Variants in TPM1 observed in about 807,000 individuals in gnomAD.
TPM1 encodes tropomyosin alpha-1 chain.
TPM1 carries 24 observed loss-of-function variants against 42.9 expected under a neutral mutation model. The ratio of observed to expected loss-of-function variants is 0.56; its 90% CI spans 0.41 to 0.79. The LOEUF (loss-of-function observed/expected upper bound fraction) is 0.79, where lower values mean the gene tolerates loss of function less well. Among genes scored for constraint, TPM1 ranks in the 30% least tolerant of loss-of-function variants. TPM1 has a pLI of 0.00. For missense variants in TPM1, 158 were observed against 351.8 expected, an observed-to-expected ratio of 0.45 and a Z score of 4.41; for synonymous variants, 136 against 130.1, an observed-to-expected ratio of 1.05 and a Z score of -0.31.
At chr15:63,060,160 G>T (rs1269961794) in intron 4 of TPM1, among the ~76,000 whole-genome samples, 3 of 152,192 alleles carry the variant, frequency 2.0e-5, no homozygotes, top group Non-Finnish European at 4.4e-5. Flanking sequence ...AGCAGAATTT[G>T]CTCCTGGTCG....
chr15:63,061,614 C>G (rs2035641814), intron 5 of TPM1, 99 bp from the exon 6 acceptor site: 1 of 1,172,590 alleles, frequency 8.5e-7, no homozygotes, highest in South Asian at 1.2e-5. Flanking sequence ...CCCTTCGTCT[C>G]TAGGACTCAG....
At chr15:63,048,290 C>G (rs1402526222) in intron 2 of TPM1, 1 of 725,448 alleles carries the variant, frequency 1.4e-6, no homozygotes, top group East Asian at 5.0e-5. Flanking sequence ...GCCGGGAGCG[C>G]CTTTCTCCCC....
chr15:63,052,833 G>A (rs116143421), intron 2 of TPM1, among the ~76,000 whole-genome samples: 198 of 151,678 alleles, frequency 1.3e-3, no homozygotes, highest in African/African-American at 4.7e-3. Context: ...TTGGAACATA[G>A]AGCATAATAA....
intron 2 of TPM1, among the ~76,000 whole-genome samples, chr15:63,053,248 A>G (rs1408183399): frequency 2.6e-5 from 4 of 152,170 alleles, no homozygotes; most frequent in East Asian, 1.9e-4. Context: ...CATTGCAGCA[A>G]CTGTTCTCCC....
rs1174842971 is a variant in TPM1, at chr15:63,055,009, T to C, written c.241-1976T>C. On this transcript the variant is annotated intron_variant, in intron 2 of 9. Coordinates refer to ENST00000403994, the MANE Select transcript of TPM1 (RefSeq NM_001018005.2). ...CAAAAGTATATCCTTAATATATACA[T>C]CCTTCCAGTAATAGTAATAAAAAAA... 2.1e-5 allele frequency among the ~76,000 whole-genome samples: 3 copies of C among 141,100 alleles called. No individual in the cohort carries two copies. In the East Asian group the frequency reaches 6.3e-4, roughly 30 times the overall value. The allele number at this position is 141,100 out of a possible 152,430, so 92.6% of individuals were successfully genotyped here. A position where few individuals can be genotyped will look rare whatever the true frequency, so the allele number is the denominator to read the frequency against.
intron 5 of TPM1, 102 bp downstream of exon 5, chr15:63,061,041 G>A: frequency 6.6e-7 from 1 of 1,519,794 alleles, no homozygotes; most frequent in Non-Finnish European, 9.1e-7. Context: ...TTCAGCTCCG[G>A]GCTCCTTTTG....
At chr15:63,070,887 C>T, downstream of TPM1, 1 of 1,362,238 alleles carries the variant, frequency 7.3e-7, no homozygotes, top group Non-Finnish European at 9.5e-7. Flanking sequence ...CTGTGAGAAT[C>T]CGTGCCATGG....
At chr15:63,068,301 A>G (rs1168777645), downstream of TPM1, among the ~76,000 whole-genome samples, 1 of 152,204 alleles carries the variant, frequency 6.6e-6, no homozygotes, top group Non-Finnish European at 1.5e-5. Flanking sequence ...AGGCATGTGT[A>G]TTTGGAGGCA....
chr15:63,064,380 A>G (rs2036037210), intron 9 of TPM1: 14 of 1,384,452 alleles, frequency 1.0e-5, no homozygotes, highest in Non-Finnish European at 1.3e-5. Flanking sequence ...TAAACGCTGA[A>G]CTAGAGCAGT....
chr15:63,071,078 A>G (rs2036585069), downstream of TPM1: 1 of 1,613,878 alleles, frequency 6.2e-7, no homozygotes, highest in Admixed American at 1.7e-5. Flanking sequence ...TAATTTTCTA[A>G]TCTCACCACA....
At chr15:63,064,275 A>G in intron 9 of TPM1, 133 bp downstream of exon 9, 1 of 1,535,450 alleles carries the variant, frequency 6.5e-7, no homozygotes, top group Non-Finnish European at 8.8e-7. Flanking sequence ...ATAACCTAGA[A>G]TAGTCATTGT....
chr15:63,071,285 A>G, exon 9 of TPM1: 4 of 1,219,578 alleles, frequency 3.3e-6, no homozygotes, highest in Non-Finnish European at 4.7e-6. Context: ...AGAAACATCC[A>G]CAAGATACCA....
intron 2 of TPM1, among the ~76,000 whole-genome samples, chr15:63,054,826 G>A (rs2034519550): frequency 6.6e-6 from 1 of 152,070 alleles, no homozygotes; most frequent in Non-Finnish European, 1.5e-5. Flanking sequence ...TAGGGCTTTT[G>A]GTTTGTGTGC....
At chr15:63,069,866 A>G (rs1566976161), downstream of TPM1, 3 of 1,613,942 alleles carry the variant, frequency 1.9e-6, no homozygotes, top group Admixed American at 1.7e-5. Flanking sequence ...GCTGACCTGT[A>G]CAGATCAACT....
downstream of TPM1, among the ~76,000 whole-genome samples, chr15:63,067,011 A>G (rs1660861417): frequency 2.0e-5 from 3 of 152,338 alleles, no homozygotes; most frequent in South Asian, 4.1e-4. Flanking sequence ...AAAAAAATAC[A>G]TTGCAAAAAA....
rs113591254 is a variant in TPM1, at chr15:63,061,701, C to G, written c.564-12C>G. The G allele has an allele frequency of 5.0e-6, 8 of 1,613,620 alleles. No individual in the cohort carries two copies. The highest frequency in any genetic ancestry group is 6.8e-6 in the Non-Finnish European group (8 of 1,179,710). ...GTCTCCCACCCTTTCTGCCTCTGAT[C>G]GAAAACATTAGCAAATGTGCCGAGC... On this transcript the variant is annotated splice_polypyrimidine_tract_variant and intron_variant, in intron 5 of 9. Transcript: ENST00000403994.
chr15:63,064,786 A>G (rs2036088530), intron 9 of TPM1: 1 of 618,100 alleles, frequency 1.6e-6, no homozygotes, highest in South Asian at 7.2e-5. Context: ...TAACACGGTG[A>G]AACCCTGTCT....
At chr15:63,059,004 T>A (rs533211991) in intron 3 of TPM1, among the ~76,000 whole-genome samples, 39 of 152,302 alleles carry the variant, frequency 2.6e-4, no homozygotes, top group African/African-American at 9.1e-4. Context: ...CATAAGAAAT[T>A]GCCATTATTA....
Position 63,053,080 on chromosome 15 carries a change from T to C in TPM1, c.241-3905T>C, listed in dbSNP as rs1325716572. The stretch of plus-strand genomic sequence containing the variant: ...CCTCTGCCTGTCCTGCTCTGAAACC[T>C]CTGGGGCAGTAGGCATTGACTTCTG... On this transcript the variant is annotated intron_variant, in intron 2 of 9. Coordinates refer to ENST00000403994, the MANE Select transcript of TPM1 (RefSeq NM_001018005.2). Among the ~76,000 whole-genome samples, 6 of 152,216 alleles carry C rather than the reference T, an allele frequency of 3.9e-5. No homozygotes were observed. The East Asian group carries it at 1.2e-3, about 29-fold the overall frequency.
Sources: gnomAD v4.1 joint callset for allele counts (sites outside exome capture counted in the v4.1 genomes callset) on GRCh38, gnomAD v4.1.1 for gene constraint, MANE v1.5 for transcripts, NCBI Gene and HGNC (gene_info 2026-07-23, HGNC 2026-07-21) for gene names.